The following FOXJ3 variants were observed in gnomAD, a reference collection of about 807,000 sequenced individuals.
FOXJ3 encodes the protein forkhead box protein J3.
FOXJ3 carries 22 observed loss-of-function variants against 76.1 expected under a neutral mutation model. The ratio of observed to expected loss-of-function variants is 0.29; its 90% confidence interval spans 0.21 to 0.41. The LOEUF is 0.41. Ranked by LOEUF, FOXJ3 falls within the 10% of genes least tolerant of loss-of-function variation. The pLI is 1.00. For missense variants in FOXJ3, 613 were observed against 762.1 expected (o/e 0.80, Z 2.30); for synonymous variants, 269 against 261.2 (o/e 1.03, Z -0.29).
rs149893297 is a variant in FOXJ3, at chr1:42,181,924, C to A, written c.1746G>T (p.Thr582=). Residue 582 remains threonine (T), a synonymous_variant, in exon 12 of 13, where the codon ACG becomes ACT. Coordinates refer to ENST00000361346, the MANE Select transcript of FOXJ3 (RefSeq NM_014947.5). ...IPQALSTPGT[T]MAGHHRAMNQ... Reference sequence around the variant, plus strand: ...TCTCTCTCTCTCTCTTACCTGCCATCGTTGTTCCTGGAGTGCTGAGTGCCT... The same window carrying A: ...TCTCTCTCTCTCTCTTACCTGCCATAGTTGTTCCTGGAGTGCTGAGTGCCT... 2 of 1,601,752 alleles carry A rather than the reference C, an allele frequency of 1.2e-6. No homozygotes were observed. Among genetic ancestry groups the A allele is most frequent in the Non-Finnish European group, 1.7e-6 (2 of 1,169,742 alleles).
intron 1 of FOXJ3, among the ~76,000 whole-genome samples, chr1:42,317,514 TAA>T (rs11365048): frequency 0.035 from 3,765 of 106,478 alleles, 114 homozygotes; most frequent in African/African-American, 0.11. Context: ...AGAGAAACCA[TAA>T]AAAAAAAAAA....
rs183862783 is a variant in FOXJ3 at position 42,281,414 on chromosome 1, C to T, written c.45-2742G>A. ...AAGTCTTCAGCTAAGTGAAGATTGA[C>T]TTAGCTGAAGAACTTCAGCTAAGTG... On this transcript the variant is annotated intron_variant, in intron 2 of 12. Coordinates refer to ENST00000361346, the MANE Select transcript of FOXJ3 (RefSeq NM_014947.5). Among the ~76,000 whole-genome samples, 19 of 151,964 alleles carry T rather than the reference C, an allele frequency of 1.3e-4. No individual in the cohort carries two copies. The East Asian group carries it at 3.7e-3, about 29-fold the overall frequency.
chr1:42,334,779 G>A (rs1042823367), intron 1 of FOXJ3: 1 of 151,232 alleles, frequency 6.6e-6, no homozygotes, highest in South Asian at 2.1e-4. Flanking sequence ...CCCCGCCTGG[G>A]GGAGGGGCGG....
rs1352046105 is a variant in FOXJ3, at chr1:42,265,079, T to C, written c.444+36A>G. ...AATTCAAACATGACAAGTGACATAC[T>C]GAAGAATTCAACTGTTTTAAGAAGA... is the stretch of plus-strand genomic sequence containing the variant. On this transcript the variant is annotated intron_variant, in intron 4 of 12. Coordinates refer to ENST00000361346, the MANE Select transcript of FOXJ3 (RefSeq NM_014947.5). 4 of 1,240,398 alleles carry C rather than the reference T, an allele frequency of 3.2e-6. No individual in the cohort carries two copies. The East Asian group carries it at 9.3e-5, about 29-fold the overall frequency. The allele number at this position is 1,240,398 out of a possible 1,614,324, so 76.8% of individuals were successfully genotyped here.
chr1:42,231,030 T>G (rs1347463626), intron 4 of FOXJ3, among the ~76,000 whole-genome samples: 51 of 152,116 alleles, frequency 3.4e-4, no homozygotes, highest in Non-Finnish European at 8.8e-5. Flanking sequence ...GGAGGGATAT[T>G]CTGGCCAGGC....
intron 11 of FOXJ3, among the ~76,000 whole-genome samples, chr1:42,185,424 AT>A (rs977861259): frequency 1.5e-4 from 22 of 151,372 alleles, no homozygotes; most frequent in African/African-American, 5.1e-4. Context: ...CGCCTGGCTA[AT>A]TTTTTTGTAT....
chr1:42,282,045 CG>C (rs1201130148), intron 2 of FOXJ3, among the ~76,000 whole-genome samples: 1 of 146,924 alleles, frequency 6.8e-6, no homozygotes, highest in African/African-American at 2.5e-5. Context: ...GGCAACAGAG[CG>C]AGACTCAGTC....
At chr1:42,290,667 T>A (rs1464336505) in intron 2 of FOXJ3, among the ~76,000 whole-genome samples, 1 of 152,174 alleles carries the variant, frequency 6.6e-6, no homozygotes, top group Non-Finnish European at 1.5e-5. Context: ...CTTTAAAACA[T>A]CTGAACTGTG....
At position 42,199,014 on chromosome 1, in the gene FOXJ3, A is replaced by C. The variant is rs1646707361; in HGVS notation, c.759+88T>G. The C allele has an allele frequency of 2.7e-5, 29 of 1,085,928 alleles. No homozygotes were observed. The South Asian group carries it at 4.7e-4, about 18-fold the overall frequency. The allele number at this position is 1,085,928 out of a possible 1,614,324, so 67.3% of individuals were successfully genotyped here. A position where few individuals can be genotyped will look rare whatever the true frequency, so the allele number is the denominator to read the frequency against. Reference sequence around the variant, plus strand: ...TTATTAGTGAGAAAAACATACCTTCATTTTTAAATTTGCATTTCAATTATG... The same window carrying C: ...TTATTAGTGAGAAAAACATACCTTCCTTTTTAAATTTGCATTTCAATTATG... On this transcript the variant is annotated intron_variant, in intron 7 of 12. Transcript: ENST00000361346.
chr1:42,235,566 T>G (rs1648550913), intron 4 of FOXJ3, among the ~76,000 whole-genome samples: 1 of 139,290 alleles, frequency 7.2e-6, no homozygotes, highest in African/African-American at 2.5e-5. Flanking sequence ...TTTTGTGTTT[T>G]TTTGTTTTTT....
At chr1:42,237,045 A>T (rs994222064) in intron 4 of FOXJ3, among the ~76,000 whole-genome samples, 2 of 152,090 alleles carry the variant, frequency 1.3e-5, no homozygotes, top group African/African-American at 4.8e-5. Context: ...TATTCCAAAT[A>T]TCTTTTGCCC....
chr1:42,317,129 A>C (rs1475981992), intron 1 of FOXJ3, among the ~76,000 whole-genome samples: 1 of 152,204 alleles, frequency 6.6e-6, no homozygotes, highest in Non-Finnish European at 1.5e-5. Context: ...GAATTCAGCC[A>C]TATCTTTCCA....
intron 4 of FOXJ3, among the ~76,000 whole-genome samples, chr1:42,261,981 G>T (rs1651074595): frequency 6.6e-6 from 1 of 152,184 alleles, no homozygotes; most frequent in Non-Finnish European, 1.5e-5. Context: ...AACCAACTGT[G>T]CTTTGCTTGT....
chr1:42,295,936 A>G (rs190174777), intron 2 of FOXJ3, among the ~76,000 whole-genome samples: 9 of 152,316 alleles, frequency 5.9e-5, no homozygotes, highest in Admixed American at 5.2e-4. Flanking sequence ...AAATCTCCAT[A>G]GTTTTCCACA....
intron 5 of FOXJ3, among the ~76,000 whole-genome samples, chr1:42,220,335 CAA>C (rs1485543119): frequency 3.3e-5 from 5 of 151,898 alleles, no homozygotes; most frequent in African/African-American, 1.2e-4. Context: ...TGAAAAGAGA[CAA>C]AGTATGTTTT....
chr1:42,316,078 G>C (rs1655087419), intron 1 of FOXJ3, among the ~76,000 whole-genome samples: 1 of 152,178 alleles, frequency 6.6e-6, no homozygotes, highest in Non-Finnish European at 1.5e-5. Flanking sequence ...TTAGGAAGCA[G>C]CCATCGCAAC....
chr1:42,291,083 TAGAC>T (rs71065113), intron 2 of FOXJ3, among the ~76,000 whole-genome samples: 109 of 126,466 alleles, frequency 8.6e-4, no homozygotes, highest in African/African-American at 2.9e-3. Context: ...GATAGATAGA[TAGAC>T]AGACAGACAG....
At chr1:42,334,637 G>A (rs1184574551) in intron 1 of FOXJ3, among the ~76,000 whole-genome samples, 1 of 152,214 alleles carries the variant, frequency 6.6e-6, no homozygotes, top group Admixed American at 6.5e-5. Context: ...GCGCCCCCAA[G>A]CTTAAAGGGA....
At chr1:42,273,391 G>C (rs1652006400) in intron 3 of FOXJ3, among the ~76,000 whole-genome samples, 1 of 152,016 alleles carries the variant, frequency 6.6e-6, no homozygotes, top group Admixed American at 6.6e-5. Context: ...AATCAGCTGA[G>C]GACCAGGCGT....
Sources: allele counts gnomAD v4.1 joint callset (sites outside exome capture counted in the v4.1 genomes callset), GRCh38; gene constraint gnomAD v4.1.1; transcripts MANE v1.5; gene names NCBI Gene and HGNC (gene_info 2026-07-23, HGNC 2026-07-21).